SYNPR: variants seen among roughly 807,000 people sequenced by gnomAD.
SYNPR encodes synaptoporin.
Under a neutral mutation model 32.9 loss-of-function variants are expected in SYNPR, and 23 were observed. That is an observed-to-expected ratio of 0.70 (90% CI 0.50 to 0.99). SYNPR has a LOEUF of 0.99. Ranked by LOEUF, SYNPR falls within the 50% of genes least tolerant of loss-of-function variation. SYNPR has a pLI of 0.00. For synonymous variants in SYNPR, 146 were observed against 135.9 expected (o/e 1.07, Z -0.52); for missense variants, 318 against 349.3 (o/e 0.91, Z 0.71).
the SYNPR span, among the ~76,000 whole-genome samples, chr3:63,205,534 CCT>C: frequency 1.6e-4 from 24 of 152,340 alleles, 1 homozygote; most frequent in Middle Eastern, 0.01. Flanking sequence ...CTGTTAAACC[CCT>C]GTCACTGTTA....
intron 4 of SYNPR, among the ~76,000 whole-genome samples, chr3:63,561,979 T>C (rs1359158156): frequency 6.6e-6 from 1 of 152,192 alleles, no homozygotes; most frequent in Non-Finnish European, 1.5e-5. Context: ...CTGAATGATA[T>C]AATAGTTAGA....
At position 63,530,816 on chromosome 3, in the gene SYNPR, G is replaced by A. The variant is rs138190485; in HGVS notation, c.210-25727G>A. Among the ~76,000 whole-genome samples the A allele has an allele frequency of 2.5e-3, 388 of 152,280 alleles. 2 individuals carry two copies. The highest frequency in any genetic ancestry group is 8.8e-3 in the African/African-American group (366 of 41,562). On this transcript the variant is annotated intron_variant, in intron 3 of 5. Coordinates refer to ENST00000478300, the MANE Select transcript of SYNPR (RefSeq NM_001130003.2). ...TATGGAGAGAAATAAGTTTTATGGGGAGAAACTAGACATGTAGTCAGCTAG... is the reference window on the plus strand; with the variant it reads ...TATGGAGAGAAATAAGTTTTATGGGAAGAAACTAGACATGTAGTCAGCTAG...
At chr3:63,309,364 G>C (rs1312677049) in intron 2 of SYNPR, among the ~76,000 whole-genome samples, 1 of 151,918 alleles carries the variant, frequency 6.6e-6, no homozygotes, top group East Asian at 1.9e-4. Flanking sequence ...GTATTTTCCT[G>C]TGTGTTTGCA....
intron 2 of SYNPR, among the ~76,000 whole-genome samples, chr3:63,396,362 A>T (rs1218353995): frequency 6.6e-6 from 1 of 152,228 alleles, no homozygotes; most frequent in Non-Finnish European, 1.5e-5. Flanking sequence ...CTGAGGAAGA[A>T]GATTATAAAA....
intron 2 of SYNPR, among the ~76,000 whole-genome samples, chr3:63,415,090 T>A (rs1299166036): frequency 6.6e-6 from 1 of 152,192 alleles, no homozygotes; most frequent in Non-Finnish European, 1.5e-5. Context: ...AACAAAAAAA[T>A]CATACATGCT....
intron 2 of SYNPR, among the ~76,000 whole-genome samples, chr3:63,354,051 G>A (rs2087543826): frequency 6.6e-6 from 1 of 152,130 alleles, no homozygotes; most frequent in Non-Finnish European, 1.5e-5. Flanking sequence ...ACTTAAACAA[G>A]TTGCTGAAGA....
chr3:63,335,314 CTGCACTCCA>C lies in SYNPR; in HGVS notation c.84+56573_84+56581del, dbSNP rs1218175939. ...CTTGCAGTGAGCCGAGACTGCGCCA[CTGCACTCCA>C]GCCTGGGCAACAGAGCGAGACTCCG... is the stretch of plus-strand genomic sequence containing the variant. On this transcript the variant is annotated intron_variant, in intron 2 of 5. Transcript: ENST00000478300. Among the ~76,000 whole-genome samples, 37 of 142,182 alleles carry C rather than the reference CTGCACTCCA, an allele frequency of 2.6e-4. No homozygotes were observed. The East Asian group carries it at 7.3e-3, about 28-fold the overall frequency. The allele number at this position is 142,182 out of a possible 152,430, so 93.3% of individuals were successfully genotyped here.
At chr3:63,465,140 T>TA (rs1006540564) in intron 2 of SYNPR, among the ~76,000 whole-genome samples, 1 of 152,166 alleles carries the variant, frequency 6.6e-6, no homozygotes, top group Non-Finnish European at 1.5e-5. Context: ...TCTTATTGCC[T>TA]AAAAAATAAT....
chr3:63,516,726 G>C (rs1701807489), intron 3 of SYNPR, among the ~76,000 whole-genome samples: 1 of 152,092 alleles, frequency 6.6e-6, no homozygotes, highest in Non-Finnish European at 1.5e-5. Context: ...ACTCTTCAGA[G>C]CAGAGTTCCA....
At chr3:63,449,655 C>G (rs1301872793) in intron 2 of SYNPR, among the ~76,000 whole-genome samples, 1 of 152,154 alleles carries the variant, frequency 6.6e-6, no homozygotes, top group Non-Finnish European at 1.5e-5. Context: ...TTCTTTCTTT[C>G]AGATACTCTG....
chr3:63,412,510 C>T (rs1156553662), intron 2 of SYNPR, among the ~76,000 whole-genome samples: 1 of 152,004 alleles, frequency 6.6e-6, no homozygotes, highest in Non-Finnish European at 1.5e-5. Context: ...TATAGTATAG[C>T]TGAGACATAT....
In SYNPR at chr3:63,559,896, T is replaced by TG. The variant is rs1370068347; in HGVS notation, c.408+3155_408+3156insG. On this transcript the variant is annotated intron_variant, in intron 4 of 5. Coordinates refer to ENST00000478300, the MANE Select transcript of SYNPR (RefSeq NM_001130003.2). Reference sequence around the variant, plus strand: ...ATCCATGTAAACATGCTCACAGGACTTTTAAGCCTGAGGAAATATCCTGAC... The same window carrying TG: ...ATCCATGTAAACATGCTCACAGGACTGTTTAAGCCTGAGGAAATATCCTGAC... 2.0e-5 allele frequency among the ~76,000 whole-genome samples: 3 copies of TG among 152,216 alleles called. No homozygotes were observed. The East Asian group carries it at 5.8e-4, about 29-fold the overall frequency.
chr3:63,559,150 C>A lies in SYNPR; in HGVS notation c.408+2409C>A, dbSNP rs371845453. ...TGGAGCGATCTCGGCTCACTTCAAC[C>A]TTCACCTCCTGGGTTCAAATGATCT... is the stretch of plus-strand genomic sequence containing the variant. On this transcript the variant is annotated intron_variant, in intron 4 of 5. Transcript: ENST00000478300. Among the ~76,000 whole-genome samples the A allele has an allele frequency of 1.7e-4, 26 of 150,484 alleles. No individual in the cohort carries two copies. In the East Asian group the frequency reaches 5.1e-3, roughly 30 times the overall value.
At chr3:63,218,737 AG>A in the SYNPR span, among the ~76,000 whole-genome samples, 1 of 152,164 alleles carries the variant, frequency 6.6e-6, no homozygotes. Flanking sequence ...AGCGATACAA[AG>A]GGCCAGAGAG....
intron 3 of SYNPR, among the ~76,000 whole-genome samples, chr3:63,502,374 G>C (rs773534313): frequency 6.6e-6 from 1 of 151,558 alleles, no homozygotes; most frequent in Non-Finnish European, 1.5e-5. Flanking sequence ...TGTTAAAACT[G>C]ATGAACCTAC....
intron 1 of SYNPR, among the ~76,000 whole-genome samples, chr3:63,235,427 A>G (rs2086193700): frequency 6.6e-6 from 1 of 152,176 alleles, no homozygotes; most frequent in Non-Finnish European, 1.5e-5. Flanking sequence ...CATCCATACT[A>G]TATCTTCTAG....
chr3:63,530,832 A>G (rs1345609384), intron 3 of SYNPR, among the ~76,000 whole-genome samples: 2 of 152,236 alleles, frequency 1.3e-5, no homozygotes, highest in Non-Finnish European at 2.9e-5. Flanking sequence ...CTAGACATGT[A>G]GTCAGCTAGC....
chr3:63,284,227 G>A (rs146465090), intron 2 of SYNPR, among the ~76,000 whole-genome samples: 17 of 152,240 alleles, frequency 1.1e-4, no homozygotes, highest in African/African-American at 3.9e-4. Flanking sequence ...GCAATGCACT[G>A]AATTTGTACC....
intron 2 of SYNPR, among the ~76,000 whole-genome samples, chr3:63,258,547 G>C (rs1370034091): frequency 1.3e-5 from 2 of 152,190 alleles, no homozygotes; most frequent in Admixed American, 6.5e-5. Context: ...CAACATACCA[G>C]AATCTCTGGG....
Sources: gnomAD v4.1 joint callset for allele counts (sites outside exome capture counted in the v4.1 genomes callset) on GRCh38, gnomAD v4.1.1 for gene constraint, MANE v1.5 for transcripts, NCBI Gene and HGNC (gene_info 2026-07-23, HGNC 2026-07-21) for gene names.